The following GARNL3 variants were observed in gnomAD, a reference collection of about 807,000 sequenced individuals.
GARNL3 encodes the protein GTPase-activating Rap/Ran-GAP domain-like protein 3.
GARNL3 carries 63 observed loss-of-function variants against 125.0 expected under a neutral mutation model. That is an observed-to-expected ratio of 0.50 (90% CI 0.41 to 0.62). The LOEUF (loss-of-function observed/expected upper bound fraction) is 0.62, where lower values mean the gene tolerates loss of function less well. Among genes scored for constraint, GARNL3 ranks in the 20% least tolerant of loss-of-function variants. The probability of loss-of-function intolerance (pLI) is 0.00; values close to 1 mark genes in which losing one functional copy is unlikely to be tolerated. For synonymous variants in GARNL3, 439 were observed against 457.5 expected (o/e 0.96, Z 0.52); for missense variants, 994 against 1,244.0 (o/e 0.80, Z 3.02).
Position 127,264,999 on chromosome 9 carries a change from A to G in GARNL3, c.122A>G (p.Lys41Arg). The stretch of plus-strand genomic sequence containing the variant: ...TGTAGACGTGGGGATTTCAGTAGGA[A>G]ACATTATGGATCTGTGGAGCTGGTA... ...LGCRRGDFSR[K>R]HYGSVELLIS... is the part of the protein sequence containing the mutation. The change falls in exon 1 of 28, where the codon AAA becomes AGA. Residue 41 changes from lysine (K) to arginine (R), a missense_variant. Physicochemically the swap from Lys to Arg is conservative, Grantham distance 26. Transcript: ENST00000373387. 1.2e-6 allele frequency: 2 copies of G among 1,613,084 alleles called. No homozygotes were observed. Among genetic ancestry groups the G allele is most frequent in the Non-Finnish European group, 1.7e-6 (2 of 1,179,434 alleles).
chr9:127,246,621 C>T (rs1308533730), intron 2 of GARNL3, among the ~76,000 whole-genome samples: 2 of 152,138 alleles, frequency 1.3e-5, no homozygotes, highest in Non-Finnish European at 2.9e-5. Flanking sequence ...GCCTGGCCAA[C>T]AAGGTGAAAC....
Position 127,291,190 on chromosome 9 carries a change from G to A in GARNL3, c.167G>A (p.Gly56Glu). ...VELLISSDAD[G>E]AIQRAGRFRV... ...TAGCTTATTTCCAGTGATGCTGATG[G>A]AGCCATCCAAAGGGCTGGAAGATTC... The change falls in exon 2 of 28, where the codon GGA (glycine) becomes GAA (glutamate). Residue 56 changes from glycine to glutamate, a missense_variant. Coordinates refer to ENST00000373387, the MANE Select transcript of GARNL3 (RefSeq NM_032293.5). 6.2e-7 allele frequency: 1 copy of A among 1,614,154 alleles called. No individual in the cohort carries two copies. The highest frequency in any genetic ancestry group is 8.5e-7 in the Non-Finnish European group (1 of 1,180,004).
At chr9:127,272,161 A>G (rs2063838587) in intron 1 of GARNL3, among the ~76,000 whole-genome samples, 1 of 150,220 alleles carries the variant, frequency 6.7e-6, no homozygotes, top group African/African-American at 2.5e-5. Flanking sequence ...TCAGGCACAG[A>G]TTGGATTTAT....
At position 127,380,053 on chromosome 9, in the gene GARNL3, G is replaced by A. The variant is rs117755802; in HGVS notation, c.2162-3385G>A. Among the ~76,000 whole-genome samples the A allele has an allele frequency of 2.6e-3, 388 of 152,148 alleles. 2 individuals carry two copies. Among genetic ancestry groups the A allele is most frequent in the Non-Finnish European group, 4.3e-3 (291 of 67,992 alleles). ...AAATTAGCCAGGCGTGGTGGGGCACGCCTTAGTCCCAGCTACTCGGGAGGC... is the reference window on the plus strand; with the variant it reads ...AAATTAGCCAGGCGTGGTGGGGCACACCTTAGTCCCAGCTACTCGGGAGGC... On this transcript the variant is annotated intron_variant, in intron 22 of 27. Transcript: ENST00000373387.
In GARNL3 at chr9:127,351,723, A is replaced by G. The variant is rs370944840; in HGVS notation, c.1544-2123A>G. On this transcript the variant is annotated intron_variant, in intron 17 of 27. Coordinates refer to ENST00000373387, the MANE Select transcript of GARNL3 (RefSeq NM_032293.5). Reference sequence around the variant, plus strand: ...CCTTTCAAGGTCATTATTAAAAATCAAGACCTTTTGTATCCTAAGTTAGCA... The same window carrying G: ...CCTTTCAAGGTCATTATTAAAAATCGAGACCTTTTGTATCCTAAGTTAGCA... 4.8e-4 allele frequency among the ~76,000 whole-genome samples: 73 copies of G among 152,340 alleles called. 1 individual carries two copies. The highest frequency in any genetic ancestry group is 1.5e-3 in the African/African-American group (63 of 41,584).
At chr9:127,365,033 C>T (rs985855173) in intron 21 of GARNL3, 4 of 428,394 alleles carry the variant, frequency 9.3e-6, no homozygotes, top group African/African-American at 6.1e-5. Context: ...AGCTTCTCAA[C>T]GGCTATGAAA....
chr9:127,264,994 T>C lies in GARNL3; in HGVS notation c.117T>C (p.Ser39=). ...TAGGCTGTAGACGTGGGGATTTCAG[T>C]AGGAAACATTATGGATCTGTGGAGC... is the stretch of plus-strand genomic sequence containing the variant. The part of the protein sequence containing the change: ...EDLGCRRGDF[S]RKHYGSVELL... Residue 39 remains serine, a synonymous_variant, in exon 1 of 28, where the codon AGT becomes AGC. Coordinates refer to ENST00000373387, the MANE Select transcript of GARNL3 (RefSeq NM_032293.5). 1 of 1,613,288 alleles carries C rather than the reference T, an allele frequency of 6.2e-7. No homozygotes were observed. Among genetic ancestry groups the C allele is most frequent in the Non-Finnish European group, 8.5e-7 (1 of 1,179,564 alleles).
At chr9:127,257,946 C>T (rs1233127608) in intron 2 of GARNL3, among the ~76,000 whole-genome samples, 1 of 152,128 alleles carries the variant, frequency 6.6e-6, no homozygotes, top group Non-Finnish European at 1.5e-5. Context: ...TTAGTGGCTA[C>T]TGTGTGCCAT....
intron 2 of GARNL3, among the ~76,000 whole-genome samples, chr9:127,305,052 G>A (rs2064912585): frequency 6.6e-6 from 1 of 152,128 alleles, no homozygotes; most frequent in Non-Finnish European, 1.5e-5. Flanking sequence ...TTTCATTTTC[G>A]TAACGCTCAA....
intron 2 of GARNL3, among the ~76,000 whole-genome samples, chr9:127,295,955 G>A (rs1434841057): frequency 2.0e-5 from 3 of 152,098 alleles, no homozygotes; most frequent in South Asian, 2.1e-4. Flanking sequence ...GAATCAGTGG[G>A]AGCCCTGAGC....
intron 21 of GARNL3, among the ~76,000 whole-genome samples, chr9:127,361,369 A>C (rs1478264058): frequency 6.6e-6 from 1 of 152,104 alleles, no homozygotes. Flanking sequence ...GGCCTACCAA[A>C]GCACTAGAAT....
At chr9:127,336,878 A>G (rs959453418) in intron 11 of GARNL3, among the ~76,000 whole-genome samples, 1 of 152,248 alleles carries the variant, frequency 6.6e-6, no homozygotes, top group African/African-American at 2.4e-5. Context: ...CATGACAGCA[A>G]AACCCAAAGT....
At chr9:127,340,206 G>A (rs920099832) in intron 13 of GARNL3, among the ~76,000 whole-genome samples, 3 of 152,182 alleles carry the variant, frequency 2.0e-5, no homozygotes, top group Admixed American at 6.5e-5. Flanking sequence ...GTGTGGGAAA[G>A]AGAAAGACAG....
chr9:127,319,678 C>T (rs1028372504), intron 5 of GARNL3, among the ~76,000 whole-genome samples: 1 of 152,064 alleles, frequency 6.6e-6, no homozygotes, highest in African/African-American at 2.4e-5. Context: ...ACAGAAATAT[C>T]CTGCTGCTTT....
intron 26 of GARNL3, 73 bp from the exon 27 acceptor site, chr9:127,390,568 A>T (rs939752264): frequency 4.1e-6 from 6 of 1,463,486 alleles, no homozygotes; most frequent in Non-Finnish European, 1.9e-6. Flanking sequence ...CCAACCAAGA[A>T]AAAATAAGGG....
rs1456283613 is a variant in GARNL3, at chr9:127,384,989, G to T, written c.2270-38G>T. 7.3e-7 allele frequency: 1 copy of T among 1,369,884 alleles called. No individual in the cohort carries two copies. Among genetic ancestry groups the T allele is most frequent in the East Asian group, 2.4e-5 (1 of 41,128 alleles). 84.9% of individuals were successfully genotyped at this position (1,369,884 alleles called of 1,614,324 possible). On this transcript the variant is annotated intron_variant, in intron 23 of 27. Transcript: ENST00000373387. This position sits in a 1 kb window ranked among gnomAD's most constrained non-coding sequence, Gnocchi z 4.0. Reference sequence around the variant, plus strand: ...GTCACAGCCCCTTCGCGGCCACCAAGCCAGCAGCTGGGAGGTGACACTCCC... The same window carrying T: ...GTCACAGCCCCTTCGCGGCCACCAATCCAGCAGCTGGGAGGTGACACTCCC...
intron 2 of GARNL3, among the ~76,000 whole-genome samples, chr9:127,252,913 G>A (rs932554337): frequency 2.6e-5 from 4 of 152,120 alleles, no homozygotes; most frequent in Admixed American, 1.3e-4. Flanking sequence ...GAATGTCATC[G>A]TGAACTGACA....
intron 7 of GARNL3, among the ~76,000 whole-genome samples, chr9:127,331,119 A>G (rs1254721982): frequency 6.6e-6 from 1 of 152,052 alleles, no homozygotes; most frequent in African/African-American, 2.4e-5. Context: ...CTCTTCCAAC[A>G]TTTGATTTTG....
At chr9:127,256,747 A>C (rs1453714042) in intron 2 of GARNL3, among the ~76,000 whole-genome samples, 1 of 152,192 alleles carries the variant, frequency 6.6e-6, no homozygotes, top group Non-Finnish European at 1.5e-5. Flanking sequence ...TGTACCCTTT[A>C]CCAGGTTTCC....
Sources: gnomAD v4.1 joint callset for allele counts (sites outside exome capture counted in the v4.1 genomes callset) on GRCh38, gnomAD v4.1.1 for gene constraint, Gnocchi (gnomAD v3.1) non-coding constraint, MANE v1.5 for transcripts, NCBI Gene and HGNC (gene_info 2026-07-23, HGNC 2026-07-21) for gene names.